Variants in ARHGAP12 observed in about 807,000 individuals in gnomAD.
ARHGAP12 encodes rho GTPase-activating protein 12.
ARHGAP12 carries 64 observed loss-of-function variants against 108.6 expected under a neutral mutation model. That is an observed-to-expected ratio of 0.59 (90% confidence interval 0.48 to 0.73). ARHGAP12 has a LOEUF of 0.73. ARHGAP12 is among the 30% of genes least tolerant of loss of function. The pLI, the probability that ARHGAP12 is intolerant of heterozygous loss-of-function variation, is 0.00. For synonymous variants in ARHGAP12, 312 were observed against 337.2 expected (o/e 0.93, Z 0.82); for missense variants, 940 against 1,005.9 (o/e 0.93, Z 0.89).
At chr10:31,843,428 C>CAAAG (rs752996179) in intron 7 of ARHGAP12, 33 bp downstream of exon 7, 2 of 1,599,832 alleles carry the variant, frequency 1.3e-6, no homozygotes, top group East Asian at 4.5e-5. Context: ...CAATATAATG[C>CAAAG]AAAGAACTTG....
At chr10:31,898,203 C>T (rs1185565500) in intron 3 of ARHGAP12, among the ~76,000 whole-genome samples, 1 of 152,080 alleles carries the variant, frequency 6.6e-6, no homozygotes, top group African/African-American at 2.4e-5. Flanking sequence ...AACTATATAA[C>T]GAATTCTTAC....
intron 1 of ARHGAP12, among the ~76,000 whole-genome samples, chr10:31,927,769 G>C (rs552704670): frequency 6.6e-5 from 10 of 152,332 alleles, no homozygotes; most frequent in African/African-American, 2.4e-4. Flanking sequence ...GAAAGCTGAA[G>C]GGCGTGCCTT....
chr10:31,908,000 C>A (rs560168543), intron 3 of ARHGAP12, among the ~76,000 whole-genome samples, 172 bp downstream of exon 3: 2 of 152,296 alleles, frequency 1.3e-5, no homozygotes, highest in African/African-American at 4.8e-5. Flanking sequence ...CCTTTATGAA[C>A]TCCACAAGTT....
intron 10 of ARHGAP12, among the ~76,000 whole-genome samples, chr10:31,829,998 A>G (rs1350770575): frequency 2.9e-5 from 4 of 139,204 alleles, no homozygotes; most frequent in Non-Finnish European, 6.3e-5. Flanking sequence ...TAAGCCAAAC[A>G]CTAAAGATTT....
chr10:31,923,090 C>T (rs1428099881), intron 1 of ARHGAP12, among the ~76,000 whole-genome samples: 2 of 135,828 alleles, frequency 1.5e-5, no homozygotes, highest in Non-Finnish European at 3.0e-5. Context: ...GTGAACATGC[C>T]ACTGTACTGC....
Position 31,908,314 on chromosome 10 carries a change from G to T in ARHGAP12, c.542C>A (p.Pro181His), listed in dbSNP as rs377649001. ...CTCTACATCCAAGAACTCTGGACCG[G>T]GAAAATGACCAAATGAGCGTGTCCT... is the stretch of plus-strand genomic sequence containing the variant. The part of the protein sequence containing the change: ...QNRTRSFGHF[P>H]GPEFLDVEKT... The change falls in exon 3 of 20, where the codon CCC becomes CAC. Residue 181 changes from proline to histidine, a missense_variant. Transcript: ENST00000344936. 4 of 1,613,980 alleles carry T rather than the reference G, an allele frequency of 2.5e-6. No homozygotes were observed. Among genetic ancestry groups the T allele is most frequent in the Non-Finnish European group, 2.5e-6 (3 of 1,180,036 alleles).
intron 5 of ARHGAP12, 123 bp from the exon 6 acceptor site, chr10:31,852,720 CA>C: frequency 6.5e-6 from 2 of 305,770 alleles, no homozygotes; most frequent in East Asian, 6.5e-5. Context: ...AACATTGCAA[CA>C]AAAAATTCTT....
intron 6 of ARHGAP12, among the ~76,000 whole-genome samples, chr10:31,849,161 G>C (rs1836577810): frequency 6.6e-6 from 1 of 151,446 alleles, no homozygotes; most frequent in African/African-American, 2.4e-5. Flanking sequence ...TATTTTATTT[G>C]AAATACTGAA....
intron 3 of ARHGAP12, among the ~76,000 whole-genome samples, chr10:31,891,686 C>G (rs545461919): frequency 7.2e-5 from 11 of 152,272 alleles, no homozygotes; most frequent in Admixed American, 2.6e-4. Context: ...TTTCCAACTT[C>G]GTTCCATTCT....
At position 31,854,068 on chromosome 10, in the gene ARHGAP12, T is replaced by A. The variant is rs1394180427; in HGVS notation, c.1087A>T (p.Lys363Ter). 1 of 1,602,140 alleles carries A rather than the reference T, an allele frequency of 6.2e-7. No homozygotes were observed. Among genetic ancestry groups the A allele is most frequent in the African/African-American group, 1.3e-5 (1 of 74,424 alleles). The change falls in exon 5 of 20, where the codon AAG becomes TAG. Residue 363 changes from lysine (K) to a stop codon, truncating the protein, a stop_gained and splice_region_variant. Transcript: ENST00000344936. LOFTEE classifies it high-confidence loss of function. ...TAGATGAGAAAAAAAGAATGTACCTTTTCATTAGTATAGTCACTGGTATAT... is the reference window on the plus strand; with the variant it reads ...TAGATGAGAAAAAAAGAATGTACCTATTCATTAGTATAGTCACTGGTATAT... ...TLYTSDYTNE[K>*]WLKHVDDQGR...
intron 1 of ARHGAP12, among the ~76,000 whole-genome samples, chr10:31,924,276 G>A (rs1165630508): frequency 6.6e-6 from 1 of 152,120 alleles, no homozygotes; most frequent in Non-Finnish European, 1.5e-5. Flanking sequence ...GCCAGAAATT[G>A]AAAACTCAAA....
At chr10:31,898,410 AAAAAGTATTGAC>A (rs1838790334) in intron 3 of ARHGAP12, among the ~76,000 whole-genome samples, 1 of 152,188 alleles carries the variant, frequency 6.6e-6, no homozygotes, top group Non-Finnish European at 1.5e-5. Context: ...GCCAGATAAT[AAAAAGTATTGAC>A]AAGGATGTGG....
chr10:31,838,637 C>G (rs1592273742), intron 9 of ARHGAP12, among the ~76,000 whole-genome samples: 1 of 151,978 alleles, frequency 6.6e-6, no homozygotes, highest in East Asian at 1.9e-4. Flanking sequence ...TGAGACCAGC[C>G]TGGTCAACAT....
At chr10:31,922,798 C>T (rs1839875674) in intron 1 of ARHGAP12, among the ~76,000 whole-genome samples, 1 of 152,072 alleles carries the variant, frequency 6.6e-6, no homozygotes. Context: ...AACATCCCAA[C>T]TCCATTCCAC....
chr10:31,839,800 G>A (rs1836190846), intron 7 of ARHGAP12, 89 bp from the exon 8 acceptor site: 1 of 1,024,392 alleles, frequency 9.8e-7, no homozygotes, highest in Admixed American at 2.9e-5. Context: ...TAGTAAGAGA[G>A]AATAACAAAT....
At chr10:31,887,350 T>TA (rs1024340207) in intron 3 of ARHGAP12, among the ~76,000 whole-genome samples, 1 of 152,162 alleles carries the variant, frequency 6.6e-6, no homozygotes, top group African/African-American at 2.4e-5. Context: ...TAATCTCATA[T>TA]AAAAAGCACC....
chr10:31,831,251 G>C (rs1454974588), intron 10 of ARHGAP12, among the ~76,000 whole-genome samples: 2 of 152,154 alleles, frequency 1.3e-5, no homozygotes, highest in African/African-American at 4.8e-5. Context: ...CTACAAGCAA[G>C]AAGTGAAACC....
intron 1 of ARHGAP12, among the ~76,000 whole-genome samples, chr10:31,919,604 C>A (rs1007970877): frequency 6.9e-6 from 1 of 144,880 alleles, no homozygotes; most frequent in African/African-American, 2.6e-5. Flanking sequence ...CATCCTGGCT[C>A]CCACGGTGAA....
At chr10:31,852,481 A>G in intron 6 of ARHGAP12, 36 bp downstream of exon 6, 2 of 1,466,700 alleles carry the variant, frequency 1.4e-6, no homozygotes, top group Non-Finnish European at 1.9e-6. Flanking sequence ...TTCATCTACT[A>G]TTTTTAAATA....
Sources: allele counts gnomAD v4.1 joint callset (sites outside exome capture counted in the v4.1 genomes callset), GRCh38; gene constraint gnomAD v4.1.1; transcripts MANE v1.5; gene names NCBI Gene and HGNC (gene_info 2026-07-23, HGNC 2026-07-21).